Variants in NKIRAS1 observed in about 807,000 individuals in gnomAD.
NKIRAS1 encodes NFKB inhibitor interacting Ras like 1.
A neutral mutation model predicts 19.8 loss-of-function variants in NKIRAS1; 16 were observed. That is an observed-to-expected ratio of 0.81 (90% CI 0.55 to 1.23). NKIRAS1 has a LOEUF of 1.23. NKIRAS1 is among the 50% of genes most tolerant of loss of function. NKIRAS1 has a pLI of 0.00. For missense variants in NKIRAS1, 184 were observed against 220.0 expected (o/e 0.84, Z 1.04); for synonymous variants, 88 against 79.0 (o/e 1.11, Z -0.61).
intron 4 of NKIRAS1, 112 bp from the exon 5 acceptor site, chr3:23,893,449 C>A (rs1701634751): frequency 4.6e-6 from 4 of 875,242 alleles, no homozygotes; most frequent in Non-Finnish European, 7.1e-6. Flanking sequence ...CTTCATTAAA[C>A]TGATTCTCAA....
chr3:23,944,709 T>A (rs1374988953), intron 1 of NKIRAS1, among the ~76,000 whole-genome samples: 1 of 152,054 alleles, frequency 6.6e-6, no homozygotes, highest in Non-Finnish European at 1.5e-5. Context: ...AATATAAATC[T>A]GGGAATCACA....
intron 3 of NKIRAS1, among the ~76,000 whole-genome samples, chr3:23,905,795 C>CAAA (rs34872852): frequency 1.7e-5 from 2 of 117,710 alleles, no homozygotes; most frequent in African/African-American, 3.4e-5. Context: ...AAATGTGCTC[C>CAAA]AAAAAAAAAA....
chr3:23,898,061 C>T (rs1035766348), intron 4 of NKIRAS1, among the ~76,000 whole-genome samples: 2 of 151,894 alleles, frequency 1.3e-5, no homozygotes, highest in South Asian at 4.2e-4. Context: ...GTATCTAGTA[C>T]GTGAGTGTTC....
chr3:23,943,919 T>C (rs1179720601), intron 1 of NKIRAS1, among the ~76,000 whole-genome samples: 1 of 152,070 alleles, frequency 6.6e-6, no homozygotes, highest in Non-Finnish European at 1.5e-5. Flanking sequence ...CACGAAGCCA[T>C]TGGAGGGTTT....
chr3:23,928,714 G>A (rs1024918506), intron 1 of NKIRAS1, among the ~76,000 whole-genome samples: 56 of 150,190 alleles, frequency 3.7e-4, no homozygotes, highest in African/African-American at 1.2e-3. Context: ...AAAAAAGGCC[G>A]GGCGCTGTGA....
Position 23,903,122 on chromosome 3 carries a change from ATTTATT to A in NKIRAS1, c.95-2079_95-2074del, listed in dbSNP as rs1208431554. ...CCAATTGGCTTTTTAAGTTGTATTT[ATTTATT>A]TTTGAGACAGGGTCTCACTTTGTCA... is the stretch of plus-strand genomic sequence containing the variant. On this transcript the variant is annotated intron_variant, in intron 3 of 4. Transcript: ENST00000425478. Among the ~76,000 whole-genome samples, 8 of 152,210 alleles carry A rather than the reference ATTTATT, an allele frequency of 5.3e-5. No individual in the cohort carries two copies. The East Asian group carries it at 1.5e-3, about 29-fold the overall frequency.
intron 4 of NKIRAS1, among the ~76,000 whole-genome samples, chr3:23,898,019 C>G (rs181623975): frequency 2.6e-5 from 4 of 152,088 alleles, no homozygotes; most frequent in African/African-American, 9.7e-5. Flanking sequence ...GAAACTGAAG[C>G]AGAAAAGCTG....
intron 1 of NKIRAS1, among the ~76,000 whole-genome samples, chr3:23,944,598 A>G (rs1031818796): frequency 1.3e-5 from 2 of 152,148 alleles, no homozygotes; most frequent in Admixed American, 6.5e-5. Flanking sequence ...GTTCGGACAC[A>G]CGCGTACACC....
At chr3:23,918,675 C>T (rs923192776), upstream of NKIRAS1, 16 of 1,377,868 alleles carry the variant, frequency 1.2e-5, no homozygotes, top group African/African-American at 1.6e-4. Context: ...TGAGCTGTCT[C>T]GTATATAAAA....
intron 1 of NKIRAS1, among the ~76,000 whole-genome samples, chr3:23,934,532 G>C (rs1230786848): frequency 6.6e-6 from 1 of 152,148 alleles, no homozygotes; most frequent in Non-Finnish European, 1.5e-5. Flanking sequence ...AAAAATTTAA[G>C]TCCCAGCTTG....
At chr3:23,945,059 G>C (rs941504557) in intron 1 of NKIRAS1, among the ~76,000 whole-genome samples, 4 of 151,942 alleles carry the variant, frequency 2.6e-5, no homozygotes, top group Non-Finnish European at 5.9e-5. Context: ...GGAGGGAAAC[G>C]GAGAAGAGGT....
At chr3:23,919,578 T>A (rs886527506), upstream of NKIRAS1, 1 of 1,432,426 alleles carries the variant, frequency 7.0e-7, no homozygotes. Flanking sequence ...GTTATTTGTC[T>A]GTTAAAACTA....
rs1559517464 is a variant in NKIRAS1 at position 23,940,167 on chromosome 3, C to CAAA, written c.-140+6155_-140+6156insTTT. 1.8e-3 allele frequency among the ~76,000 whole-genome samples: 51 copies of CAAA among 28,670 alleles called. 3 individuals carry two copies. The highest frequency in any genetic ancestry group is 2.5e-3 in the Admixed American group (6 of 2,396). The allele number at this position is 28,670 out of a possible 152,430, so 18.8% of individuals were successfully genotyped here. On this transcript the variant is annotated intron_variant, in intron 1 of 4. Transcript: ENST00000421515. ...CAACACAGGAAGACTCCCATCTCTA[C>CAAA]CAAAAAAAAAAAAAAAAAAAAAAAG...
chr3:23,920,022 G>C (rs1704983796), upstream of NKIRAS1: 2 of 986,310 alleles, frequency 2.0e-6, no homozygotes, highest in Non-Finnish European at 2.4e-6. Flanking sequence ...TCCTGGTTCA[G>C]TGCCATGGCT....
chr3:23,929,265 G>A (rs942874094), intron 1 of NKIRAS1, among the ~76,000 whole-genome samples: 7 of 151,614 alleles, frequency 4.6e-5, no homozygotes, highest in African/African-American at 7.3e-5. Context: ...TCTGGAGGCC[G>A]ACGTAGGAGA....
At chr3:23,911,917 C>T (rs1181819964) in intron 1 of NKIRAS1, among the ~76,000 whole-genome samples, 1 of 152,026 alleles carries the variant, frequency 6.6e-6, no homozygotes, top group African/African-American at 2.4e-5. Flanking sequence ...TGCCTGCCAC[C>T]ATGCCCGGTG....
chr3:23,929,950 G>T (rs1381873473), intron 1 of NKIRAS1, among the ~76,000 whole-genome samples: 1 of 151,992 alleles, frequency 6.6e-6, no homozygotes, highest in Non-Finnish European at 1.5e-5. Context: ...TGGAAAAAAT[G>T]ATAGAATTTC....
Position 23,893,001 on chromosome 3 carries a change from C to G in NKIRAS1, c.*94G>C, listed in dbSNP as rs1701587377. The G allele has an allele frequency of 7.5e-7, 1 of 1,326,664 alleles. No homozygotes were observed. The highest frequency in any genetic ancestry group is 1.5e-5 in the African/African-American group (1 of 66,986). 82.2% of individuals were successfully genotyped at this position (1,326,664 alleles called of 1,614,324 possible). A position where few individuals can be genotyped will look rare whatever the true frequency, so the allele number is the denominator to read the frequency against. ...TTTTCCTAAGGACCAAAGGTAGATA[C>G]AAATGGCCTATTTTAAATAGTAATA... On this transcript the variant is annotated 3_prime_UTR_variant, in exon 5 of 5. Transcript: ENST00000425478.
intron 4 of NKIRAS1, among the ~76,000 whole-genome samples, chr3:23,895,708 T>TAC (rs1215446144): frequency 2.0e-5 from 3 of 152,170 alleles, no homozygotes; most frequent in South Asian, 4.1e-4. Context: ...GCAAATGTAT[T>TAC]ACATTTTCTC....
Sources: gnomAD v4.1 joint callset for allele counts (sites outside exome capture counted in the v4.1 genomes callset) on GRCh38, gnomAD v4.1.1 for gene constraint, MANE v1.5 for transcripts, NCBI Gene and HGNC (gene_info 2026-07-23, HGNC 2026-07-21) for gene names.